The following NAALADL2 variants were observed in gnomAD, a reference collection of about 807,000 sequenced individuals.
NAALADL2 encodes the protein N-acetylated alpha-linked acidic dipeptidase like 2.
Under a neutral mutation model 87.2 loss-of-function variants are expected in NAALADL2, and 76 were observed. The observed-to-expected ratio is 0.87, with a 90% CI of 0.72 to 1.05. The LOEUF is 1.05. NAALADL2 is among the 50% of genes least tolerant of loss of function. The probability of loss-of-function intolerance (pLI) is 0.00; values close to 1 mark genes in which losing one functional copy is unlikely to be tolerated. For missense variants in NAALADL2, 1,089 were observed against 945.8 expected (o/e 1.15, Z -1.99); for synonymous variants, 354 against 331.0 (o/e 1.07, Z -0.75).
intron 5 of NAALADL2, among the ~76,000 whole-genome samples, chr3:175,417,768 T>A (rs1330010440): frequency 6.6e-6 from 1 of 152,180 alleles, no homozygotes; most frequent in Non-Finnish European, 1.5e-5. Flanking sequence ...ACATATTTAG[T>A]TTTATCTTTT....
chr3:175,675,817 A>C (rs946623561), intron 11 of NAALADL2: 16 of 152,260 alleles, frequency 1.1e-4, no homozygotes, highest in African/African-American at 3.6e-4. Flanking sequence ...GGTTTCAATA[A>C]AAAATGGTTT....
intron 4 of NAALADL2, among the ~76,000 whole-genome samples, chr3:175,267,642 G>T (rs1752159705): frequency 6.6e-6 from 1 of 152,054 alleles, no homozygotes; most frequent in Non-Finnish European, 1.5e-5. Flanking sequence ...GGGGTGATGG[G>T]AGTGGGGGCA....
intron 1 of NAALADL2, among the ~76,000 whole-genome samples, chr3:174,519,088 C>G (rs1028805545): frequency 2.2e-4 from 33 of 152,184 alleles, no homozygotes; most frequent in African/African-American, 6.7e-4. Context: ...CAAACACATT[C>G]AACATATAAA....
chr3:174,837,474 C>T (rs1723475370), intron 3 of NAALADL2, among the ~76,000 whole-genome samples: 1 of 152,138 alleles, frequency 6.6e-6, no homozygotes, highest in South Asian at 2.1e-4. Context: ...AGACCAGTAA[C>T]AAGCAATGAG....
chr3:174,635,836 C>G (rs1438804707), intron 2 of NAALADL2, among the ~76,000 whole-genome samples: 1 of 152,066 alleles, frequency 6.6e-6, no homozygotes, highest in Non-Finnish European at 1.5e-5. Flanking sequence ...CTAAATGATA[C>G]TATTTTTTGC....
intron 5 of NAALADL2, among the ~76,000 whole-genome samples, chr3:175,428,703 C>A (rs1387897487): frequency 6.6e-6 from 1 of 152,086 alleles, no homozygotes; most frequent in Non-Finnish European, 1.5e-5. Flanking sequence ...AACTTTAATT[C>A]TCACTGGGAC....
At chr3:175,051,708 G>A (rs1191753676) in intron 1 of NAALADL2, among the ~76,000 whole-genome samples, 1 of 152,212 alleles carries the variant, frequency 6.6e-6, no homozygotes, top group East Asian at 1.9e-4. Context: ...ATACAAAGGT[G>A]TGGACTTTAG....
chr3:175,157,892 A>C (rs1012142704), intron 2 of NAALADL2, among the ~76,000 whole-genome samples: 1 of 152,116 alleles, frequency 6.6e-6, no homozygotes, highest in Non-Finnish European at 1.5e-5. Context: ...CTGGTCATGA[A>C]TGGACTATTC....
chr3:175,696,118 C>T (rs1450878077), intron 11 of NAALADL2, among the ~76,000 whole-genome samples: 2 of 152,128 alleles, frequency 1.3e-5, no homozygotes, highest in Non-Finnish European at 2.9e-5. Context: ...TTAATTTCAA[C>T]ACCTTCAGAA....
intron 2 of NAALADL2, among the ~76,000 whole-genome samples, chr3:174,736,675 G>A (rs901812495): frequency 6.6e-6 from 1 of 151,996 alleles, no homozygotes; most frequent in Non-Finnish European, 1.5e-5. Context: ...GCCTTTCGTC[G>A]GCCTGGAAAA....
intron 1 of NAALADL2, among the ~76,000 whole-genome samples, chr3:174,984,106 A>G (rs1188737554): frequency 1.3e-5 from 2 of 148,816 alleles, no homozygotes; most frequent in Admixed American, 6.6e-5. Context: ...AGCGCTTGAG[A>G]TGTTTTAAAA....
intron 1 of NAALADL2, among the ~76,000 whole-genome samples, chr3:174,922,761 G>A (rs1735423864): frequency 6.6e-6 from 1 of 152,070 alleles, no homozygotes; most frequent in Non-Finnish European, 1.5e-5. Context: ...ATGAAATGGT[G>A]TATTTTTCCA....
At chr3:174,920,285 C>A (rs1250652395) in intron 1 of NAALADL2, among the ~76,000 whole-genome samples, 1 of 152,232 alleles carries the variant, frequency 6.6e-6, no homozygotes, top group Non-Finnish European at 1.5e-5. Context: ...CAACATAAGA[C>A]TGTTTTGTCT....
At chr3:175,650,642 C>T (rs896869738) in intron 11 of NAALADL2, among the ~76,000 whole-genome samples, 3 of 152,120 alleles carry the variant, frequency 2.0e-5, no homozygotes, top group Non-Finnish European at 4.4e-5. Context: ...TGATTGGTTT[C>T]TGGAACAAAT....
chr3:175,071,008 A>T (rs1259295645), intron 1 of NAALADL2, among the ~76,000 whole-genome samples: 1 of 151,998 alleles, frequency 6.6e-6, no homozygotes, highest in African/African-American at 2.4e-5. Flanking sequence ...TAGGTTGAAG[A>T]TGTGTCTAAG....
At chr3:175,573,404 G>T (rs1340639154) in intron 9 of NAALADL2, among the ~76,000 whole-genome samples, 1 of 152,122 alleles carries the variant, frequency 6.6e-6, no homozygotes, top group Admixed American at 6.6e-5. Context: ...CCTCATTAAT[G>T]ACATAAAATG....
chr3:174,797,795 A>C (rs1718319159), intron 3 of NAALADL2, among the ~76,000 whole-genome samples: 1 of 152,122 alleles, frequency 6.6e-6, no homozygotes, highest in Non-Finnish European at 1.5e-5. Context: ...GGTATGTACA[A>C]ATTGTTTTTC....
intron 2 of NAALADL2, among the ~76,000 whole-genome samples, chr3:174,569,480 T>A (rs1714670935): frequency 6.6e-6 from 1 of 152,150 alleles, no homozygotes; most frequent in South Asian, 2.1e-4. Context: ...ACAATCTTTA[T>A]CTACTGTTGC....
intron 1 of NAALADL2, among the ~76,000 whole-genome samples, chr3:174,496,750 T>C (rs1178115775): frequency 1.3e-5 from 2 of 152,066 alleles, no homozygotes; most frequent in Non-Finnish European, 2.9e-5. Context: ...AACAGTGAAC[T>C]CAAGTTGTGT....
Sources: allele counts gnomAD v4.1 joint callset (sites outside exome capture counted in the v4.1 genomes callset), GRCh38; gene constraint gnomAD v4.1.1; transcripts MANE v1.5; gene names NCBI Gene and HGNC (gene_info 2026-07-23, HGNC 2026-07-21).